The following HAGH variants were observed in gnomAD, a reference collection of about 807,000 sequenced individuals.
HAGH encodes the protein hydroxyacylglutathione hydrolase, mitochondrial.
Under a neutral mutation model 35.1 loss-of-function variants are expected in HAGH, and 29 were observed. The observed-to-expected ratio is 0.83, with a 90% CI of 0.62 to 1.13. The LOEUF (loss-of-function observed/expected upper bound fraction) is 1.13, where lower values mean the gene tolerates loss of function less well. Among genes scored for constraint, HAGH ranks in the 50% most tolerant of loss-of-function variants. The pLI is 0.00. For missense variants in HAGH, 478 were observed against 419.6 expected (o/e 1.14, Z -1.22); for synonymous variants, 225 against 176.1 (o/e 1.28, Z -2.20).
chr16:1,825,851 G>A (rs931115670), intron 1 of HAGH, among the ~76,000 whole-genome samples: 1 of 152,232 alleles, frequency 6.6e-6, no homozygotes. Context: ...TGGGATGACA[G>A]GCGTGCGTCA....
In HAGH at chr16:1,809,052, G is replaced by C; in HGVS notation, c.*231C>G. The C allele has an allele frequency of 4.1e-6, 2 of 490,092 alleles. No homozygotes were observed. Among genetic ancestry groups the C allele is most frequent in the Admixed American group, 6.8e-5 (2 of 29,470 alleles). 30.4% of individuals were successfully genotyped at this position (490,092 alleles called of 1,614,324 possible). On this transcript the variant is annotated 3_prime_UTR_variant, in exon 9 of 9. Transcript: ENST00000397356. ...CTCACGGAGGAGGAAGGAGGCCCGA[G>C]GGGACAAGCAGAGGCCTAAAGGCCA...
At position 1,822,495 on chromosome 16, in the gene HAGH, T is replaced by G. The variant is rs997759407; in HGVS notation, c.250-131A>C. The G allele has an allele frequency of 1.2e-5, 9 of 742,530 alleles. No individual in the cohort carries two copies. In the East Asian group the frequency reaches 2.2e-4, roughly 19 times the overall value. The allele number at this position is 742,530 out of a possible 1,614,324, so 46.0% of individuals were successfully genotyped here. A position where few individuals can be genotyped will look rare whatever the true frequency, so the allele number is the denominator to read the frequency against. On this transcript the variant is annotated intron_variant, in intron 2 of 8. Coordinates refer to ENST00000397356, the MANE Select transcript of HAGH (RefSeq NM_005326.6). ...CCGCTGACATGGCCCGTCCTGACCC[T>G]GCCAGCTTGCCCTGCTCCAGGAGAG...
At chr16:1,817,908 GGT>G (rs923274382) in intron 5 of HAGH, among the ~76,000 whole-genome samples, 29 of 152,306 alleles carry the variant, frequency 1.9e-4, no homozygotes, top group Middle Eastern at 3.4e-3. Context: ...CTGAGAGGAG[GGT>G]GCCCAGCACC....
intron 2 of HAGH, 143 bp downstream of exon 2, chr16:1,822,722 G>T: frequency 2.9e-6 from 2 of 697,996 alleles, no homozygotes; most frequent in Non-Finnish European, 5.0e-6. Flanking sequence ...CCTTCTTGGA[G>T]CCCTGTTAAC....
chr16:1,825,590 T>A lies in HAGH; in HGVS notation c.76+1122A>T, dbSNP rs1470057822. ...GTTTGGCCCCAAAAACAAAAAAAAATTGAGATATGGTCTCACTCTGTCCCC... is the reference window on the plus strand; with the variant it reads ...GTTTGGCCCCAAAAACAAAAAAAAAATGAGATATGGTCTCACTCTGTCCCC... On this transcript the variant is annotated intron_variant, in intron 1 of 8. Transcript: ENST00000397356. 4.6e-5 allele frequency among the ~76,000 whole-genome samples: 7 copies of A among 152,008 alleles called. No individual in the cohort carries two copies. In the East Asian group the frequency reaches 1.4e-3, roughly 29 times the overall value.
upstream of HAGH, chr16:1,827,127 G>A (rs1424836785): frequency 2.8e-6 from 4 of 1,441,278 alleles, no homozygotes; most frequent in Admixed American, 2.4e-5. Flanking sequence ...GAGGTGGAAC[G>A]GGCCGTCGCT....
At chr16:1,811,871 A>C (rs1352955974) in intron 7 of HAGH, among the ~76,000 whole-genome samples, 2 of 152,006 alleles carry the variant, frequency 1.3e-5, no homozygotes, top group East Asian at 3.9e-4. Flanking sequence ...GGTGACACCC[A>C]CGCAATAGTA....
upstream of HAGH, chr16:1,827,099 G>C (rs1898477380): frequency 1.5e-6 from 2 of 1,301,690 alleles, no homozygotes; most frequent in Middle Eastern, 2.7e-4. Flanking sequence ...CACGCCGCCC[G>C]GGTACCCGGC....
At position 1,808,211 on chromosome 16, in the gene HAGH, G is replaced by C. The variant is rs913200227; in HGVS notation, c.*1072C>G. On this transcript the variant is annotated 3_prime_UTR_variant, in exon 9 of 9. Coordinates refer to ENST00000397356, the MANE Select transcript of HAGH (RefSeq NM_005326.6). ...CAGCCTTGGACTCCCGGGCTCAAGCGATCCTCCTGCCTCAGCCTCCTGAGT... is the reference window on the plus strand; with the variant it reads ...CAGCCTTGGACTCCCGGGCTCAAGCCATCCTCCTGCCTCAGCCTCCTGAGT... 1.3e-5 allele frequency: 2 copies of C among 152,184 alleles called. No homozygotes were observed. Among genetic ancestry groups the C allele is most frequent in the Non-Finnish European group, 2.9e-5 (2 of 68,054 alleles). 9.4% of individuals were successfully genotyped at this position (152,184 alleles called of 1,614,324 possible).
chr16:1,819,547 C>G (rs1293266525), intron 4 of HAGH, among the ~76,000 whole-genome samples: 1 of 152,204 alleles, frequency 6.6e-6, no homozygotes, highest in Non-Finnish European at 1.5e-5. Context: ...TTTTCCTGTC[C>G]CCATCTGCCC....
At chr16:1,814,193 G>C (rs1426389299) in intron 7 of HAGH, among the ~76,000 whole-genome samples, 1 of 152,210 alleles carries the variant, frequency 6.6e-6, no homozygotes, top group African/African-American at 2.4e-5. Context: ...AAATTGAGTA[G>C]GCCGGGCGCA....
chr16:1,823,072 C>T (rs763590179), intron 1 of HAGH, 35 bp from the exon 2 acceptor site: 29 of 1,603,316 alleles, frequency 1.8e-5, no homozygotes, highest in Admixed American at 3.3e-5. Context: ...CGGGCAGCCG[C>T]GCCAGGCCCT....
intron 7 of HAGH, among the ~76,000 whole-genome samples, chr16:1,813,360 A>T (rs973421167): frequency 9.9e-5 from 15 of 152,206 alleles, no homozygotes; most frequent in Admixed American, 6.5e-5. Flanking sequence ...TATAGCCTGC[A>T]TAACCATGAG....
chr16:1,825,978 G>A (rs186173988), intron 1 of HAGH, among the ~76,000 whole-genome samples: 16 of 152,352 alleles, frequency 1.1e-4, no homozygotes, highest in Admixed American at 3.3e-4. Flanking sequence ...CCCTGCCGAT[G>A]CACACAGTCC....
chr16:1,822,355 C>T lies in HAGH; in HGVS notation c.259G>A (p.Ala87Thr), dbSNP rs766808618. The T allele has an allele frequency of 1.2e-5, 20 of 1,610,102 alleles. 1 individual carries two copies. The highest frequency in any genetic ancestry group is 1.6e-4 in the Middle Eastern group (1 of 6,070). ...AGTTTCACCCCGTGCTTTCTCGCCG[C>T]GTCCACGACCTGCAGTGGCCCCGGG... is the stretch of plus-strand genomic sequence containing the variant. ...DPVQPQKVVDAARKHGVKLTT... is the reference protein window; with the variant it reads ...DPVQPQKVVDTARKHGVKLTT... Residue 87 changes from alanine (A) to threonine (T), a missense_variant, in exon 3 of 9, where the codon GCG becomes ACG. Coordinates refer to ENST00000397356, the MANE Select transcript of HAGH (RefSeq NM_005326.6).
In HAGH at chr16:1,809,229, G is replaced by A. The variant is rs915651025; in HGVS notation, c.*54C>T. ...ATTTCCCGCACGGACCAGCAGGAAA[G>A]CCAGTTACCTAAAAGAGCCTAATCC... On this transcript the variant is annotated 3_prime_UTR_variant, in exon 9 of 9. Transcript: ENST00000397356. The A allele has an allele frequency of 8.3e-7, 1 of 1,210,828 alleles. No homozygotes were observed. The highest frequency in any genetic ancestry group is 1.9e-5 in the Admixed American group (1 of 52,350). The allele number at this position is 1,210,828 out of a possible 1,614,324, so 75.0% of individuals were successfully genotyped here.
chr16:1,821,999 C>T, intron 3 of HAGH: 1 of 353,136 alleles, frequency 2.8e-6, no homozygotes, highest in Non-Finnish European at 5.2e-6. Context: ...CATTTCCTCC[C>T]CAACATTGAG....
Position 1,807,708 on chromosome 16 carries a change from C to T in HAGH, c.*1575G>A, listed in dbSNP as rs2473469. 0.77 allele frequency: 117,600 copies of T among 152,148 alleles called. 45,562 individuals carry two copies. The highest frequency in any genetic ancestry group is 0.86 in the Middle Eastern group (252 of 294). 9.4% of individuals were successfully genotyped at this position (152,148 alleles called of 1,614,324 possible). On this transcript the variant is annotated 3_prime_UTR_variant, in exon 9 of 9. Transcript: ENST00000397356. ...ATAGAACAAACTCTTTGCGCTGGGG[C>T]GGGGGTAGTGGGAGAAGAAAGCCGG...
At position 1,809,744 on chromosome 16, in the gene HAGH, T is replaced by C; in HGVS notation, c.827+10A>G. The C allele has an allele frequency of 6.2e-7, 1 of 1,600,028 alleles. No homozygotes were observed. The highest frequency in any genetic ancestry group is 8.6e-7 in the Non-Finnish European group (1 of 1,167,162). On this transcript the variant is annotated intron_variant, in intron 8 of 8. Coordinates refer to ENST00000397356, the MANE Select transcript of HAGH (RefSeq NM_005326.6). The stretch of plus-strand genomic sequence containing the variant: ...AGGGGCCCGCGCCCACCACCTGCCC[T>C]GGGCCTCACCTCACTCTCATGAAGG...
Sources: gnomAD v4.1 joint callset for allele counts (sites outside exome capture counted in the v4.1 genomes callset) on GRCh38, gnomAD v4.1.1 for gene constraint, MANE v1.5 for transcripts, NCBI Gene and HGNC (gene_info 2026-07-23, HGNC 2026-07-21) for gene names.